Variants in MCPH1 observed in about 807,000 individuals in gnomAD.
The protein encoded by MCPH1 is microcephalin.
MCPH1 carries 104 observed loss-of-function variants against 84.5 expected under a neutral mutation model. The ratio of observed to expected loss-of-function variants is 1.23; its 90% CI spans 1.05 to 1.45. The LOEUF (loss-of-function observed/expected upper bound fraction) is 1.45. Among genes scored for constraint, MCPH1 ranks in the 40% most tolerant of loss-of-function variants. The probability of loss-of-function intolerance (pLI) is 0.00; values close to 1 mark genes in which losing one functional copy is unlikely to be tolerated. For synonymous variants in MCPH1, 514 were observed against 366.8 expected (o/e 1.40, Z -4.58); for missense variants, 1,498 against 1,005.7 (o/e 1.49, Z -6.62).
At chr8:6,452,696 C>CCT in intron 8 of MCPH1, among the ~76,000 whole-genome samples, 1 of 152,310 alleles carries the variant, frequency 6.6e-6, no homozygotes, top group Non-Finnish European at 1.5e-5. Context: ...GAACTGGCTT[C>CCT]CTCTCTCTCT....
In MCPH1 at chr8:6,554,956, A is replaced by G. The variant is rs115539647; in HGVS notation, c.2214+55027A>G. ...AGGTGATTTCATGGAGAAATATCTA[A>G]TTAAAATATTAAAGATAGTCGGATG... On this transcript the variant is annotated intron_variant, in intron 12 of 13. Coordinates refer to ENST00000344683, the MANE Select transcript of MCPH1 (RefSeq NM_024596.5). 2.1e-3 allele frequency among the ~76,000 whole-genome samples: 327 copies of G among 152,342 alleles called. 1 individual carries two copies. Among genetic ancestry groups the G allele is most frequent in the African/African-American group, 7.4e-3 (308 of 41,574 alleles).
At chr8:6,446,201 T>C (rs1804342888) in intron 8 of MCPH1, 11 of 905,284 alleles carry the variant, frequency 1.2e-5, no homozygotes, top group Non-Finnish European at 1.2e-5. Flanking sequence ...AACCATATCA[T>C]TTTATTAAAA....
intron 11 of MCPH1, among the ~76,000 whole-genome samples, chr8:6,493,821 T>C (rs1201543574): frequency 6.6e-6 from 1 of 152,220 alleles, no homozygotes; most frequent in Non-Finnish European, 1.5e-5. Context: ...GATGCGGAGC[T>C]ACTTTGTCAG....
chr8:6,645,607 A>T lies in MCPH1; in HGVS notation c.*2558A>T, dbSNP rs1206649919. On this transcript the variant is annotated 3_prime_UTR_variant, in exon 14 of 14. Transcript: ENST00000344683. ...TATGTATAGAAATTGTAAGGAATGC[A>T]AAAAAAAAAAAAAAAAAAAGCCCTA... 1 of 77,322 alleles carries T rather than the reference A, an allele frequency of 1.3e-5. No individual in the cohort carries two copies. Among genetic ancestry groups the T allele is most frequent in the East Asian group, 1.1e-3 (1 of 924 alleles). 4.8% of individuals were successfully genotyped at this position (77,322 alleles called of 1,614,324 possible).
At chr8:6,607,533 C>G (rs965658989) in intron 12 of MCPH1, among the ~76,000 whole-genome samples, 1 of 152,218 alleles carries the variant, frequency 6.6e-6, no homozygotes, top group Admixed American at 6.5e-5. Flanking sequence ...AGAAATCTTT[C>G]CTTCCCTACT....
At chr8:6,570,039 G>A (rs1469810534) in intron 12 of MCPH1, among the ~76,000 whole-genome samples, 1 of 152,210 alleles carries the variant, frequency 6.6e-6, no homozygotes, top group Non-Finnish European at 1.5e-5. Context: ...AGAATCCTTG[G>A]AAATCCAACA....
At chr8:6,564,096 C>G (rs955561668) in intron 12 of MCPH1, among the ~76,000 whole-genome samples, 1 of 151,034 alleles carries the variant, frequency 6.6e-6, no homozygotes, top group Non-Finnish European at 1.5e-5. Flanking sequence ...ATTCTCTTGC[C>G]TCAGGCTCCT....
At chr8:6,592,641 T>TTTTTTTTTTTTTTTTTTTTG (rs1238168977) in intron 12 of MCPH1, among the ~76,000 whole-genome samples, 12 of 107,494 alleles carry the variant, frequency 1.1e-4, no homozygotes, top group Non-Finnish European at 2.1e-4. Context: ...TTTTTTTTTT[T>TTTTTTTTTTTTTTTTTTTTG]TTGTTGCTGT....
chr8:6,610,760 GAACTGTCTTCATACACTCGAGAC>G (rs1830185494), intron 12 of MCPH1, among the ~76,000 whole-genome samples: 1 of 151,860 alleles, frequency 6.6e-6, no homozygotes, highest in Admixed American at 6.6e-5. Flanking sequence ...GAAGTTGACA[GAACTGTCTTCATACACTCGAGAC>G]AACTTCATGC....
chr8:6,572,758 C>A lies in MCPH1; in HGVS notation c.2215-48696C>A, dbSNP rs180684233. Among the ~76,000 whole-genome samples the A allele has an allele frequency of 4.6e-5, 7 of 152,342 alleles. No individual in the cohort carries two copies. In the East Asian group the frequency reaches 1.3e-3, roughly 29 times the overall value. ...CAATTTAGAGACCCAGTCCTGTTCA[C>A]CCCAAGCTTACAGTCTAACGAGGTG... On this transcript the variant is annotated intron_variant, in intron 12 of 13. Transcript: ENST00000344683.
intron 11 of MCPH1, among the ~76,000 whole-genome samples, chr8:6,489,194 G>A (rs1810288992): frequency 6.6e-6 from 1 of 152,138 alleles, no homozygotes; most frequent in Non-Finnish European, 1.5e-5. Flanking sequence ...ATATTCAGAG[G>A]AAAGGTTAAC....
intron 3 of MCPH1, among the ~76,000 whole-genome samples, chr8:6,427,300 T>G (rs1008299976): frequency 6.6e-5 from 10 of 152,216 alleles, no homozygotes; most frequent in Non-Finnish European, 1.5e-4. Flanking sequence ...TATACAGTAC[T>G]ATGGACTTTA....
At chr8:6,613,863 G>C (rs1244748074) in intron 12 of MCPH1, among the ~76,000 whole-genome samples, 2 of 152,144 alleles carry the variant, frequency 1.3e-5, no homozygotes, top group African/African-American at 2.4e-5. Flanking sequence ...GATCGCCAAG[G>C]GAGAAGACTT....
chr8:6,579,247 G>A (rs924243542), intron 12 of MCPH1, among the ~76,000 whole-genome samples: 13 of 152,192 alleles, frequency 8.5e-5, no homozygotes, highest in African/African-American at 2.9e-4. Context: ...AGTGACATCG[G>A]CAGAGTTCCA....
chr8:6,490,716 T>A (rs976602084), intron 11 of MCPH1, among the ~76,000 whole-genome samples: 1 of 152,168 alleles, frequency 6.6e-6, no homozygotes, highest in Non-Finnish European at 1.5e-5. Flanking sequence ...TGAAATGAAT[T>A]TCATAGGAAA....
intron 8 of MCPH1, among the ~76,000 whole-genome samples, chr8:6,447,694 C>T (rs1171287099): frequency 6.6e-6 from 1 of 152,084 alleles, no homozygotes; most frequent in Non-Finnish European, 1.5e-5. Flanking sequence ...GGATTACAGG[C>T]ACCCATCACC....
intron 11 of MCPH1, among the ~76,000 whole-genome samples, chr8:6,492,047 G>A (rs996168176): frequency 1.3e-5 from 2 of 152,124 alleles, no homozygotes; most frequent in Admixed American, 6.5e-5. Context: ...CTGAGGAATC[G>A]CCACACTGAC....
At chr8:6,521,130 C>T (rs765156234) in intron 12 of MCPH1, 9 of 1,493,210 alleles carry the variant, frequency 6.0e-6, no homozygotes, top group Admixed American at 3.7e-5. Flanking sequence ...GAGTGTTTTA[C>T]TGACTAAAGG....
intron 12 of MCPH1, chr8:6,508,135 T>C (rs1158048292): frequency 6.6e-6 from 1 of 152,226 alleles, no homozygotes; most frequent in African/African-American, 2.4e-5. Flanking sequence ...TGTTGCTATA[T>C]ATTAATGGAA....
Sources: gnomAD v4.1 joint callset for allele counts (sites outside exome capture counted in the v4.1 genomes callset) on GRCh38, gnomAD v4.1.1 for gene constraint, MANE v1.5 for transcripts, NCBI Gene and HGNC (gene_info 2026-07-23, HGNC 2026-07-21) for gene names.